IMPA1: variants seen among roughly 807,000 people sequenced by gnomAD.
The protein encoded by IMPA1 is inositol monophosphatase 1.
Under a neutral mutation model 34.9 loss-of-function variants are expected in IMPA1, and 21 were observed. That is an observed-to-expected ratio of 0.60 (90% confidence interval 0.43 to 0.87). IMPA1 has a LOEUF of 0.87. IMPA1 is among the 40% of genes least tolerant of loss of function. The pLI is 0.00. For synonymous variants in IMPA1, 95 were observed against 104.4 expected (o/e 0.91, Z 0.55); for missense variants, 299 against 336.4 (o/e 0.89, Z 0.87).
At chr8:81,675,559 A>G (rs1807108065) in intron 5 of IMPA1, among the ~76,000 whole-genome samples, 1 of 152,188 alleles carries the variant, frequency 6.6e-6, no homozygotes, top group Admixed American at 6.6e-5. Flanking sequence ...CCTGGGGCTA[A>G]GCTGTCATTT....
intron 7 of IMPA1, 123 bp downstream of exon 7, chr8:81,670,816 C>T: frequency 3.7e-6 from 2 of 542,936 alleles, no homozygotes. Context: ...GGAACAGAAT[C>T]TCCCTATTCT....
intron 7 of IMPA1, among the ~76,000 whole-genome samples, chr8:81,667,035 C>A (rs1297813721): frequency 6.6e-6 from 1 of 151,950 alleles, no homozygotes; most frequent in African/African-American, 2.4e-5. Context: ...CTTCCACCTA[C>A]ATAAAAGAGT....
At chr8:81,686,184 G>C (rs1263566286) in intron 1 of IMPA1, 68 bp downstream of exon 1, 1 of 956,914 alleles carries the variant, frequency 1.0e-6, no homozygotes, top group African/African-American at 1.7e-5. Flanking sequence ...AGGAGGGAAG[G>C]GGCCTCCCTG....
chr8:81,675,836 C>G (rs1414227397), intron 5 of IMPA1, among the ~76,000 whole-genome samples: 1 of 152,160 alleles, frequency 6.6e-6, no homozygotes, highest in Non-Finnish European at 1.5e-5. Context: ...ATGCTTTGGC[C>G]CCTGCTACTT....
intron 1 of IMPA1, among the ~76,000 whole-genome samples, chr8:81,682,238 T>G (rs1807323413): frequency 6.6e-6 from 1 of 152,192 alleles, no homozygotes; most frequent in Non-Finnish European, 1.5e-5. Context: ...TGTTCTAAAC[T>G]GTCCAGTTTT....
At chr8:81,673,559 G>A (rs1249953605) in intron 6 of IMPA1, among the ~76,000 whole-genome samples, 2 of 152,142 alleles carry the variant, frequency 1.3e-5, no homozygotes, top group Non-Finnish European at 2.9e-5. Context: ...TAAACTGATT[G>A]AGACCTGTCT....
chr8:81,670,692 C>G (rs1182700580), intron 7 of IMPA1, among the ~76,000 whole-genome samples: 1 of 152,158 alleles, frequency 6.6e-6, no homozygotes, highest in Non-Finnish European at 1.5e-5. Context: ...CTGAATCCTA[C>G]TTTATTGGAA....
chr8:81,681,731 A>G (rs1010679551), intron 1 of IMPA1, 147 bp from the exon 2 acceptor site: 3 of 565,884 alleles, frequency 5.3e-6, no homozygotes, highest in Non-Finnish European at 9.4e-6. Flanking sequence ...TACCCAGTAA[A>G]AAACATTTCT....
chr8:81,671,846 G>A (rs577173418), intron 6 of IMPA1, among the ~76,000 whole-genome samples: 52 of 152,212 alleles, frequency 3.4e-4, no homozygotes, highest in African/African-American at 1.0e-3. Context: ...GCAGTGATCC[G>A]AGATCACGCC....
intron 1 of IMPA1, among the ~76,000 whole-genome samples, chr8:81,682,474 G>A (rs1209333496): frequency 6.6e-6 from 1 of 152,156 alleles, no homozygotes; most frequent in Non-Finnish European, 1.5e-5. Context: ...TAGGAAAGAG[G>A]ACAGGAGTGG....
At chr8:81,685,497 G>GTA (rs1408218327) in intron 1 of IMPA1, among the ~76,000 whole-genome samples, 1 of 142,408 alleles carries the variant, frequency 7.0e-6, no homozygotes, top group Non-Finnish European at 1.5e-5. Flanking sequence ...CTATATATAA[G>GTA]TATATATACG....
chr8:81,670,264 T>C (rs1806948437), intron 7 of IMPA1, among the ~76,000 whole-genome samples: 1 of 152,064 alleles, frequency 6.6e-6, no homozygotes. Flanking sequence ...AGTATCAGTA[T>C]TTATGGGATA....
intron 1 of IMPA1, among the ~76,000 whole-genome samples, chr8:81,683,579 C>T (rs1201660301): frequency 6.6e-6 from 1 of 151,720 alleles, no homozygotes; most frequent in African/African-American, 2.4e-5. Flanking sequence ...AAACAGGGAG[C>T]AACAAAAAAA....
intron 1 of IMPA1, among the ~76,000 whole-genome samples, chr8:81,684,156 TACAC>T (rs1327047648): frequency 3.2e-5 from 4 of 124,582 alleles, no homozygotes; most frequent in Non-Finnish European, 7.1e-5. Context: ...CACACACACA[TACAC>T]ACACATACAC....
intron 7 of IMPA1, among the ~76,000 whole-genome samples, chr8:81,666,869 CAAAAAAAAAAAA>C (rs33975606): frequency 7.6e-5 from 3 of 39,340 alleles, no homozygotes; most frequent in East Asian, 7.2e-4. Context: ...GACTCTGTCT[CAAAAAAAAAAAA>C]AAAAAAAAAA....
chr8:81,662,320 C>T (rs1009223363), intron 7 of IMPA1, among the ~76,000 whole-genome samples: 11 of 152,200 alleles, frequency 7.2e-5, no homozygotes, highest in African/African-American at 2.6e-4. Flanking sequence ...TAATTAATTC[C>T]CTGGTACTCT....
At chr8:81,662,609 T>C (rs1284587674) in intron 7 of IMPA1, among the ~76,000 whole-genome samples, 2 of 152,220 alleles carry the variant, frequency 1.3e-5, no homozygotes, top group South Asian at 2.1e-4. Flanking sequence ...ACATGGCACA[T>C]TGTAAAAAGG....
Position 81,673,864 on chromosome 8 carries a change from T to C in IMPA1, c.434A>G (p.Lys145Arg), listed in dbSNP as rs770680532. 2 of 1,609,152 alleles carry C rather than the reference T, an allele frequency of 1.2e-6. No homozygotes were observed. Among genetic ancestry groups the C allele is most frequent in the Non-Finnish European group, 1.7e-6 (2 of 1,175,614 alleles). The change falls in exon 6 of 9, where the codon AAA (lysine) becomes AGA (arginine). Residue 145 changes from lysine to arginine, a missense_variant. Transcript: ENST00000256108. ...ACCTTCTTGTTGTGAAACTTGTAGT[T>C]TTTGACCATTACAAAAGGCACCTTT... ...KGKGAFCNGQKLQVSQQEDIT... is the reference protein window; with the variant it reads ...KGKGAFCNGQRLQVSQQEDIT...
At position 81,659,359 on chromosome 8, in the gene IMPA1, C is replaced by A. The variant is rs144509656; in HGVS notation, c.826G>T (p.Glu276Ter). 1.3e-6 allele frequency: 2 copies of A among 1,587,170 alleles called. No homozygotes were observed. The highest frequency in any genetic ancestry group is 2.7e-5 in the African/African-American group (2 of 74,326). Reference sequence around the variant, plus strand: ...CTATGAGGCTGCCTTAATTAATCTTCGTCGTCTCGTTGCAAAGGTATAACC... The same window carrying A: ...CTATGAGGCTGCCTTAATTAATCTTAGTCGTCTCGTTGCAAAGGTATAACC... ...IQVIPLQRDD[E>*]D Residue 276 changes from glutamate (E) to a stop codon, truncating the protein, a stop_gained, in exon 9 of 9, where the codon GAA becomes TAA. Transcript: ENST00000256108. LOFTEE classifies it high-confidence loss of function.
Sources: gnomAD v4.1 joint callset for allele counts (sites outside exome capture counted in the v4.1 genomes callset) on GRCh38, gnomAD v4.1.1 for gene constraint, MANE v1.5 for transcripts, NCBI Gene and HGNC (gene_info 2026-07-23, HGNC 2026-07-21) for gene names.